Variants in MON2 observed in about 807,000 individuals in gnomAD.
The protein encoded by MON2 is MON2 regulator of endosome-to-Golgi trafficking.
Under a neutral mutation model 208.6 loss-of-function variants are expected in MON2, and 84 were observed. That is an observed-to-expected ratio of 0.40 (90% CI 0.34 to 0.48). The LOEUF (loss-of-function observed/expected upper bound fraction) is 0.48, where lower values mean the gene tolerates loss of function less well. MON2 is among the 20% of genes least tolerant of loss of function. The probability of loss-of-function intolerance (pLI) is 0.59; values close to 1 mark genes in which losing one functional copy is unlikely to be tolerated. For synonymous variants in MON2, 660 were observed against 694.0 expected (o/e 0.95, Z 0.77); for missense variants, 1,611 against 2,015.4 (o/e 0.80, Z 3.84).
intron 29 of MON2, among the ~76,000 whole-genome samples, chr12:62,569,717 C>T (rs1231924419): frequency 6.6e-6 from 1 of 152,174 alleles, no homozygotes. Context: ...ATCAACTCAT[C>T]ATCTCTTTGC....
At position 62,565,112 on chromosome 12, in the gene MON2, A is replaced by G. The variant is rs571978123; in HGVS notation, c.4033-125A>G. On this transcript the variant is annotated intron_variant, in intron 26 of 34. Coordinates refer to ENST00000393630, the MANE Select transcript of MON2 (RefSeq NM_015026.3). ...TAGTTTGTGTCCTTTAGGGCTCAGA[A>G]AAGATGGTATAATACATAAAATAAG... 2.4e-4 allele frequency: 221 copies of G among 920,022 alleles called. 1 individual carries two copies. In the African/African-American group the frequency reaches 3.4e-3, roughly 14 times the overall value. The allele number at this position is 920,022 out of a possible 1,614,324, so 57.0% of individuals were successfully genotyped here.
At chr12:62,570,657 A>C (rs1394490783) in intron 29 of MON2, among the ~76,000 whole-genome samples, 1 of 151,348 alleles carries the variant, frequency 6.6e-6, no homozygotes, top group Non-Finnish European at 1.5e-5. Flanking sequence ...GACCCTTTGC[A>C]TATGGGATAT....
intron 8 of MON2, among the ~76,000 whole-genome samples, chr12:62,511,757 CAAATG>C (rs1202628049): frequency 6.6e-6 from 1 of 152,162 alleles, no homozygotes; most frequent in Non-Finnish European, 1.5e-5. Context: ...CAACAATAGA[CAAATG>C]GAACTGCATC....
Position 62,592,732 on chromosome 12 carries a change from C to G in MON2, c.5137C>G (p.Gln1713Glu). Residue 1713 changes from glutamine (Q) to glutamate (E), a missense_variant, in exon 35 of 35, where the codon CAA (glutamine) becomes GAA (glutamate). Transcript: ENST00000393630. ...DFMQPPASRV[Q>E]NGES Reference sequence around the variant, plus strand: ...CATGCAGCCACCAGCATCCAGAGTTCAAAATGGAGAATCTTGACCGGCTAC... The same window carrying G: ...CATGCAGCCACCAGCATCCAGAGTTGAAAATGGAGAATCTTGACCGGCTAC... The G allele has an allele frequency of 6.3e-7, 1 of 1,594,566 alleles. No individual in the cohort carries two copies. The highest frequency in any genetic ancestry group is 8.6e-7 in the Non-Finnish European group (1 of 1,165,618).
chr12:62,581,023 CACA>C (rs2074984618), intron 32 of MON2, among the ~76,000 whole-genome samples: 1 of 152,126 alleles, frequency 6.6e-6, no homozygotes, highest in East Asian at 1.9e-4. Context: ...TATTATTTCT[CACA>C]ACATTTCTGT....
In MON2 at chr12:62,597,924, T is replaced by C. The variant is rs1015261473; in HGVS notation, c.*5175T>C. On this transcript the variant is annotated 3_prime_UTR_variant, in exon 35 of 35. Coordinates refer to ENST00000393630, the MANE Select transcript of MON2 (RefSeq NM_015026.3). ...ATATTTTTAATTAGGGTTTTGGTTT[T>C]TTATGATTTTGGGGGGTGGGGGAGA... 3 of 152,120 alleles carry C rather than the reference T, an allele frequency of 2.0e-5. No homozygotes were observed. Among genetic ancestry groups the C allele is most frequent in the Non-Finnish European group, 4.4e-5 (3 of 68,028 alleles). The allele number at this position is 152,120 out of a possible 1,614,324, so 9.4% of individuals were successfully genotyped here.
Position 62,560,633 on chromosome 12 carries a change from G to A in MON2, c.3552G>A (p.Lys1184=). The change falls in exon 26 of 35, where the codon AAG becomes AAA. Residue 1184 remains lysine, a synonymous_variant. Transcript: ENST00000393630. Reference sequence around the variant, plus strand: ...TGTCCCCTGTCAGAGACTCAGATAAGCCTGAGACACCACCTGTAGTTAATG... The same window carrying A: ...TGTCCCCTGTCAGAGACTCAGATAAACCTGAGACACCACCTGTAGTTAATG... ...QIVSPVRDSD[K]PETPPVVNVP... 3 of 1,614,000 alleles carry A rather than the reference G, an allele frequency of 1.9e-6. No homozygotes were observed. The highest frequency in any genetic ancestry group is 2.5e-6 in the Non-Finnish European group (3 of 1,179,980).
chr12:62,527,581 C>A (rs1356295426), intron 11 of MON2, among the ~76,000 whole-genome samples: 1 of 152,052 alleles, frequency 6.6e-6, no homozygotes, highest in Non-Finnish European at 1.5e-5. Flanking sequence ...ACCTTCCCAC[C>A]TCATTTTATA....
chr12:62,585,544 C>A (rs772516059), intron 33 of MON2, 43 bp downstream of exon 33: 4 of 1,423,112 alleles, frequency 2.8e-6, no homozygotes, highest in Non-Finnish European at 3.8e-6. Flanking sequence ...TATTGTTGTA[C>A]TAATTGTTGA....
chr12:62,499,836 G>A (rs1164835412), intron 5 of MON2, among the ~76,000 whole-genome samples: 1 of 151,598 alleles, frequency 6.6e-6, no homozygotes, highest in African/African-American at 2.4e-5. Context: ...TTGCACCACT[G>A]CACTCCAGCC....
At chr12:62,546,751 C>T (rs2073503596) in intron 21 of MON2, 146 bp from the exon 22 acceptor site, 1 of 604,494 alleles carries the variant, frequency 1.7e-6, no homozygotes, top group Admixed American at 3.7e-5. Flanking sequence ...GACGAGACTC[C>T]ATTTCAAAAA....
chr12:62,566,246 G>A, intron 28 of MON2, 76 bp from the exon 29 acceptor site: 7 of 1,517,928 alleles, frequency 4.6e-6, no homozygotes, highest in Non-Finnish European at 1.8e-6. Flanking sequence ...AGACAAAGAT[G>A]CTTTCTCTTT....
At chr12:62,532,872 C>T (rs916838808) in intron 12 of MON2, among the ~76,000 whole-genome samples, 3 of 151,952 alleles carry the variant, frequency 2.0e-5, no homozygotes, top group African/African-American at 7.3e-5. Flanking sequence ...GACATGATGC[C>T]GTATTACTAC....
At chr12:62,516,915 T>C (rs1055240873) in intron 8 of MON2, among the ~76,000 whole-genome samples, 2 of 152,026 alleles carry the variant, frequency 1.3e-5, no homozygotes, top group African/African-American at 4.8e-5. Flanking sequence ...AACAAAATAG[T>C]GGAAATGAAA....
chr12:62,481,958 C>G (rs1044939103), intron 1 of MON2, among the ~76,000 whole-genome samples: 1 of 152,140 alleles, frequency 6.6e-6, no homozygotes, highest in Non-Finnish European at 1.5e-5. Context: ...CTCATGCCAG[C>G]GTGACCGTTA....
intron 34 of MON2, among the ~76,000 whole-genome samples, chr12:62,591,314 C>T (rs1450425753): frequency 1.3e-5 from 2 of 152,178 alleles, no homozygotes; most frequent in African/African-American, 4.8e-5. Flanking sequence ...TCAGCAATAC[C>T]CATCAGCTCT....
chr12:62,589,018 C>T lies in MON2; in HGVS notation c.4990+862C>T, dbSNP rs2075309050. ...ATTATGCATGTACATGACTCATCTCCCTTTACATTGTTAAGATTTTTGAGG... is the reference window on the plus strand; with the variant it reads ...ATTATGCATGTACATGACTCATCTCTCTTTACATTGTTAAGATTTTTGAGG... On this transcript the variant is annotated intron_variant, in intron 34 of 34. Transcript: ENST00000393630. 12 of 635,462 alleles carry T rather than the reference C, an allele frequency of 1.9e-5. No individual in the cohort carries two copies. In the East Asian group the frequency reaches 3.0e-4, roughly 16 times the overall value. The allele number at this position is 635,462 out of a possible 1,614,324, so 39.4% of individuals were successfully genotyped here.
chr12:62,513,716 G>C lies in MON2; in HGVS notation c.984+5236G>C. 1.6e-5 allele frequency among the ~76,000 whole-genome samples: 2 copies of C among 123,248 alleles called. 1 individual carries two copies. The highest frequency in any genetic ancestry group is 3.8e-5 in the Non-Finnish European group (2 of 53,298). 80.9% of individuals were successfully genotyped at this position (123,248 alleles called of 152,430 possible). A position where few individuals can be genotyped will look rare whatever the true frequency, so the allele number is the denominator to read the frequency against. The stretch of plus-strand genomic sequence containing the variant: ...AATCCCAGCACTTTGGGAGGCTGAG[G>C]CAGGCGGGTCATGAGGTCAGGAGAT... On this transcript the variant is annotated intron_variant, in intron 8 of 34. Transcript: ENST00000393630.
At chr12:62,557,953 TATA>T (rs2074047786) in intron 25 of MON2, among the ~76,000 whole-genome samples, 10 of 28,370 alleles carry the variant, frequency 3.5e-4, no homozygotes, top group African/African-American at 1.9e-3. Flanking sequence ...TATATATATA[TATA>T]TATATATTTT....
Sources: allele counts gnomAD v4.1 joint callset (sites outside exome capture counted in the v4.1 genomes callset), GRCh38; gene constraint gnomAD v4.1.1; transcripts MANE v1.5; gene names NCBI Gene and HGNC (gene_info 2026-07-23, HGNC 2026-07-21).